STAU2: variants seen among roughly 807,000 people sequenced by gnomAD.
STAU2 encodes the protein double-stranded RNA-binding protein Staufen homolog 2.
Under a neutral mutation model 65.9 loss-of-function variants are expected in STAU2, and 20 were observed. The observed-to-expected ratio is 0.30, with a 90% CI of 0.21 to 0.44. The LOEUF (loss-of-function observed/expected upper bound fraction) is 0.44, where lower values mean the gene tolerates loss of function less well. Among genes scored for constraint, STAU2 ranks in the 20% least tolerant of loss-of-function variants. The probability of loss-of-function intolerance (pLI) is 1.00; values close to 1 mark genes in which losing one functional copy is unlikely to be tolerated. For synonymous variants in STAU2, 232 were observed against 233.9 expected, an observed-to-expected ratio of 0.99 and a Z score of 0.07; for missense variants, 558 against 683.9, an observed-to-expected ratio of 0.82 and a Z score of 2.05.
At chr8:73,716,728 ATTT>A (rs565320605) in intron 3 of STAU2, among the ~76,000 whole-genome samples, 4 of 151,142 alleles carry the variant, frequency 2.6e-5, no homozygotes, top group African/African-American at 9.7e-5. Flanking sequence ...TTTACTTTTG[ATTT>A]TTTTTTCTTA....
At chr8:73,597,804 T>C (rs187793025) in intron 10 of STAU2, among the ~76,000 whole-genome samples, 40 of 150,634 alleles carry the variant, frequency 2.7e-4, no homozygotes, top group Admixed American at 2.4e-3. Flanking sequence ...GCCTAAAGAA[T>C]ATGACTAAAA....
At chr8:73,625,669 G>T (rs1813584786) in intron 6 of STAU2, among the ~76,000 whole-genome samples, 1 of 152,140 alleles carries the variant, frequency 6.6e-6, no homozygotes, top group Non-Finnish European at 1.5e-5. Flanking sequence ...AATGCACAAT[G>T]AATTGTATAC....
intron 11 of STAU2, among the ~76,000 whole-genome samples, chr8:73,586,741 T>C (rs1040275003): frequency 6.8e-6 from 1 of 148,134 alleles, no homozygotes; most frequent in East Asian, 2.0e-4. Context: ...ATTCTGAGAA[T>C]GAGGAAGAAC....
intron 3 of STAU2, among the ~76,000 whole-genome samples, chr8:73,733,105 C>G (rs532309764): frequency 6.6e-6 from 1 of 151,742 alleles, no homozygotes; most frequent in Non-Finnish European, 1.5e-5. Flanking sequence ...TCCTTCGACA[C>G]GGAAAAATTC....
intron 13 of STAU2, among the ~76,000 whole-genome samples, chr8:73,446,653 T>A (rs1818485373): frequency 6.6e-6 from 1 of 152,210 alleles, no homozygotes. Context: ...AATTTAATTT[T>A]TTTTAAAGAC....
Position 73,622,703 on chromosome 8 carries a change from T to C in STAU2, c.411-5252A>G, listed in dbSNP as rs191265594. 2.0e-4 allele frequency among the ~76,000 whole-genome samples: 30 copies of C among 152,328 alleles called. No homozygotes were observed. In the South Asian group the frequency reaches 2.3e-3, roughly 12 times the overall value. On this transcript the variant is annotated intron_variant, in intron 6 of 14. Transcript: ENST00000524300. ...AGGGATCTAAAGTAAGGCCCACTGA[T>C]AGACTTCAGAGATGTTTTATTGAGT...
intron 13 of STAU2, among the ~76,000 whole-genome samples, chr8:73,517,845 G>A: frequency 6.6e-6 from 1 of 152,106 alleles, no homozygotes; most frequent in Middle Eastern, 3.2e-3. Flanking sequence ...AATATCACTG[G>A]ATATATGCAA....
chr8:73,646,396 G>A (rs975894607), intron 6 of STAU2, among the ~76,000 whole-genome samples: 2 of 152,180 alleles, frequency 1.3e-5, no homozygotes, highest in Admixed American at 6.5e-5. Context: ...TCAACAGAAC[G>A]TAATAGAGAA....
chr8:73,645,683 C>T (rs1815316286), intron 6 of STAU2, among the ~76,000 whole-genome samples: 1 of 152,070 alleles, frequency 6.6e-6, no homozygotes, highest in Non-Finnish European at 1.5e-5. Flanking sequence ...TTTTAATTGG[C>T]TTATGGTTCT....
intron 13 of STAU2, among the ~76,000 whole-genome samples, chr8:73,486,790 C>A (rs541362233): frequency 4.2e-4 from 64 of 151,482 alleles, no homozygotes; most frequent in Non-Finnish European, 7.2e-4. Context: ...GTAGCTGGGA[C>A]TACAGGCGTG....
At chr8:73,521,152 C>T (rs962529677) in intron 13 of STAU2, among the ~76,000 whole-genome samples, 7 of 152,124 alleles carry the variant, frequency 4.6e-5, no homozygotes, top group Non-Finnish European at 1.0e-4. Flanking sequence ...TAAGACATTA[C>T]AGCCTAATGA....
chr8:73,586,846 AC>A (rs1810413967), intron 11 of STAU2, among the ~76,000 whole-genome samples: 1 of 152,048 alleles, frequency 6.6e-6, no homozygotes, highest in South Asian at 2.1e-4. Flanking sequence ...CAGAACAACA[AC>A]AAAAACAGAA....
chr8:73,637,882 T>C (rs1814665874), intron 6 of STAU2, among the ~76,000 whole-genome samples: 2 of 151,998 alleles, frequency 1.3e-5, no homozygotes, highest in South Asian at 4.1e-4. Context: ...ACAAATGACA[T>C]CTATATATGG....
At position 73,558,224 on chromosome 8, in the gene STAU2, G is replaced by T. The variant is rs987345177; in HGVS notation, c.1223-5905C>A. Among the ~76,000 whole-genome samples, 5 of 152,304 alleles carry T rather than the reference G, an allele frequency of 3.3e-5. No individual in the cohort carries two copies. The South Asian group carries it at 1.0e-3, about 32-fold the overall frequency. On this transcript the variant is annotated intron_variant, in intron 12 of 14. Coordinates refer to ENST00000524300, the MANE Select transcript of STAU2 (RefSeq NM_001164380.2). ...TAAATCCAGTAAGTAAATGCCCGGG[G>T]TTTGCCCAGATTGGTTCCAAGGATG...
At chr8:73,471,173 C>CTT (rs35701266) in intron 13 of STAU2, among the ~76,000 whole-genome samples, 1,641 of 124,844 alleles carry the variant, frequency 0.013, 39 homozygotes, top group African/African-American at 0.025. Flanking sequence ...CTAATTCTCT[C>CTT]TTTTTTTTTT....
At chr8:73,551,080 C>A (rs556266256) in intron 13 of STAU2, 875 of 987,314 alleles carry the variant, frequency 8.9e-4, no homozygotes, top group Admixed American at 1.8e-3. Context: ...ACACTCTCTA[C>A]ACACAAGCAA....
intron 13 of STAU2, among the ~76,000 whole-genome samples, chr8:73,466,049 A>T (rs1252654668): frequency 6.6e-6 from 1 of 152,240 alleles, no homozygotes; most frequent in Non-Finnish European, 1.5e-5. Flanking sequence ...AAGGCAGTGT[A>T]TACTGGTGTA....
chr8:73,716,190 G>C (rs1376311640), intron 3 of STAU2, among the ~76,000 whole-genome samples: 2 of 151,498 alleles, frequency 1.3e-5, no homozygotes, highest in African/African-American at 4.9e-5. Flanking sequence ...CCGGGTTCAC[G>C]CCATTCTCCT....
intron 13 of STAU2, among the ~76,000 whole-genome samples, chr8:73,525,771 T>C (rs1805402607): frequency 6.6e-6 from 1 of 152,224 alleles, no homozygotes; most frequent in African/African-American, 2.4e-5. Flanking sequence ...ACGCTGCTTT[T>C]GACATTTGCC....
Sources: allele counts gnomAD v4.1 joint callset (sites outside exome capture counted in the v4.1 genomes callset), GRCh38; gene constraint gnomAD v4.1.1; transcripts MANE v1.5; gene names NCBI Gene and HGNC (gene_info 2026-07-23, HGNC 2026-07-21).